SSC4D: variants seen among roughly 807,000 people sequenced by gnomAD.
SSC4D encodes scavenger receptor cysteine rich family member with 4 domains, also known as scavenger receptor cysteine-rich domain-containing group B protein.
A neutral mutation model predicts 63.4 loss-of-function variants in SSC4D; 57 were observed. The ratio of observed to expected loss-of-function variants is 0.90; its 90% CI spans 0.73 to 1.12. SSC4D has a LOEUF of 1.12. SSC4D is among the 50% of genes most tolerant of loss of function. The pLI is 0.00. For synonymous variants in SSC4D, 352 were observed against 345.4 expected, an observed-to-expected ratio of 1.02 and a Z score of -0.21; for missense variants, 791 against 806.4, an observed-to-expected ratio of 0.98 and a Z score of 0.23.
At position 76,397,572 on chromosome 7, in the gene SSC4D, C is replaced by A. The variant is rs1466678035; in HGVS notation, c.814G>T (p.Gly272Cys). ...TGGCCGCAGTTGTGCACACCCCAGC[C>A]CAGGCTCTGGCAGGCTGCCAGGCGG... is the stretch of plus-strand genomic sequence containing the variant. The part of the protein sequence containing the change: ...EPRLAACQSL[G>C]WGVHNCGHHE... Residue 272 changes from glycine (G) to cysteine (C), a missense_variant, in exon 6 of 11, where the codon GGC (glycine) becomes TGC (cysteine). Coordinates refer to ENST00000275560, the MANE Select transcript of SSC4D (RefSeq NM_080744.2). The A allele has an allele frequency of 6.2e-7, 1 of 1,608,098 alleles. No individual in the cohort carries two copies. Among genetic ancestry groups the A allele is most frequent in the Non-Finnish European group, 8.5e-7 (1 of 1,177,562 alleles).
intron 9 of SSC4D, 101 bp downstream of exon 9, chr7:76,393,304 G>A (rs1047597955): frequency 2.5e-6 from 3 of 1,191,638 alleles, no homozygotes; most frequent in South Asian, 6.4e-5. Flanking sequence ...CTCCCCGGGC[G>A]GCAGTGCCGC....
chr7:76,397,488 G>T, intron 6 of SSC4D, 30 bp downstream of exon 6: 1 of 1,288,484 alleles, frequency 7.8e-7, no homozygotes, highest in South Asian at 1.5e-5. Flanking sequence ...CACCTGCCCC[G>T]GCCCCGCCCA....
intron 1 of SSC4D, among the ~76,000 whole-genome samples, chr7:76,408,666 C>T (rs1805125401): frequency 5.9e-5 from 9 of 152,126 alleles, no homozygotes; most frequent in Admixed American, 5.9e-4. Flanking sequence ...CCCAGGTGAC[C>T]CCAGAGCCCT....
At chr7:76,400,167 C>G in intron 4 of SSC4D, 119 bp downstream of exon 4, 1 of 1,161,248 alleles carries the variant, frequency 8.6e-7, no homozygotes, top group Non-Finnish European at 1.1e-6. Flanking sequence ...GCATTGTAGC[C>G]TCTGGCCTGA....
Position 76,400,374 on chromosome 7 carries a change from C to T in SSC4D, c.387G>A (p.Gly129=), listed in dbSNP as rs138202050. 4 of 1,589,824 alleles carry T rather than the reference C, an allele frequency of 2.5e-6. No homozygotes were observed. Among genetic ancestry groups the T allele is most frequent in the South Asian group, 2.2e-5 (2 of 89,812 alleles). The change falls in exon 4 of 11, where the codon GGG becomes GGA. Residue 129 remains glycine, a synonymous_variant. Transcript: ENST00000275560. ...CGCACTCGCTCAGCGCAGCTTCCTG[C>T]CCGCGGCACTCCACGTTGTCCAGCA... is the stretch of plus-strand genomic sequence containing the variant. ...PILLDNVECR[G]QEAALSECGS...
Position 76,404,413 on chromosome 7 carries a change from A to G in SSC4D, c.27T>C (p.Ile9=). The G allele has an allele frequency of 6.2e-7, 1 of 1,614,032 alleles. No individual in the cohort carries two copies. Among genetic ancestry groups the G allele is most frequent in the Non-Finnish European group, 8.5e-7 (1 of 1,179,988 alleles). The change falls in exon 2 of 11, where the codon ATT becomes ATC. Residue 9 remains isoleucine (I), a synonymous_variant. Coordinates refer to ENST00000275560, the MANE Select transcript of SSC4D (RefSeq NM_080744.2). ...AGCGCTTCTCATCCAGCTGGGGACCAATTAGCATCTCTGCTTCCTTGTGCA... is the reference window on the plus strand; with the variant it reads ...AGCGCTTCTCATCCAGCTGGGGACCGATTAGCATCTCTGCTTCCTTGTGCA... MHKEAEML[I]GPQLDEKRWG... is the part of the protein sequence containing the mutation.
rs754293978 is a variant in SSC4D at position 76,393,903 on chromosome 7, A to G, written c.948T>C (p.Ala316=). 6.9e-6 allele frequency: 11 copies of G among 1,602,002 alleles called. No homozygotes were observed. Among genetic ancestry groups the G allele is most frequent in the South Asian group, 6.7e-5 (6 of 89,028 alleles). ...EDWAWQTDPS[A]TGVGPQPSRE... is the part of the protein sequence containing the mutation. ...GGGAAGGCTGGGGGCCAACTCCTGT[A>G]GCTGTGGAGACAGGGCATCTAGGGC... Residue 316 remains alanine (A), a splice_region_variant and synonymous_variant, in exon 8 of 11, where the codon GCT becomes GCC. Transcript: ENST00000275560.
Position 76,393,464 on chromosome 7 carries a change from T to A in SSC4D, c.1274A>T (p.His425Leu), listed in dbSNP as rs745406480. 2.0e-6 allele frequency: 3 copies of A among 1,536,446 alleles called. No homozygotes were observed. The highest frequency in any genetic ancestry group is 1.4e-5 in the African/African-American group (1 of 70,484). Residue 425 changes from histidine to leucine, a missense_variant, in exon 9 of 11, where the codon CAC (histidine) becomes CTC (leucine). Coordinates refer to ENST00000275560, the MANE Select transcript of SSC4D (RefSeq NM_080744.2). ...GCAGTTGTGCTGGCCCCAGCCCAGG[T>A]GGAAGCAGTCGCTCAGGCGAGCCTC... ...GTEARLSDCF[H>L]LGWGQHNCGH...
intron 1 of SSC4D, among the ~76,000 whole-genome samples, chr7:76,405,271 TTATATA>T (rs1171830870): frequency 0.012 from 110 of 9,124 alleles, 1 homozygote; most frequent in Admixed American, 0.017. Flanking sequence ...ACCCAGCTAA[TTATATA>T]TATATATATA....
At chr7:76,408,394 G>C (rs1329981208) in intron 1 of SSC4D, among the ~76,000 whole-genome samples, 1 of 152,098 alleles carries the variant, frequency 6.6e-6, no homozygotes, top group African/African-American at 2.4e-5. Flanking sequence ...ATGAGGAGGG[G>C]GAAAGACACA....
In SSC4D at chr7:76,397,558, G is replaced by A; in HGVS notation, c.828C>T (p.His276=). 1.9e-6 allele frequency: 3 copies of A among 1,603,338 alleles called. No individual in the cohort carries two copies. Among genetic ancestry groups the A allele is most frequent in the Non-Finnish European group, 2.6e-6 (3 of 1,175,338 alleles). ...CCGCGTCCTCGTGGTGGCCGCAGTT[G>A]TGCACACCCCAGCCCAGGCTCTGGC... is the stretch of plus-strand genomic sequence containing the variant. ...AACQSLGWGV[H]NCGHHEDAGA... Residue 276 remains histidine, a synonymous_variant, in exon 6 of 11, where the codon CAC becomes CAT. Transcript: ENST00000275560.
In SSC4D at chr7:76,393,393, T is replaced by C; in HGVS notation, c.1333+12A>G. On this transcript the variant is annotated intron_variant, in intron 9 of 10. Coordinates refer to ENST00000275560, the MANE Select transcript of SSC4D (RefSeq NM_080744.2). ...GCCCCGCTGTCAGCCTCACCTTCGC[T>C]GTCAGCCTCACCTGCGCAGAGCGCT... is the stretch of plus-strand genomic sequence containing the variant. 1 of 1,379,190 alleles carries C rather than the reference T, an allele frequency of 7.3e-7. No homozygotes were observed. The highest frequency in any genetic ancestry group is 9.4e-7 in the Non-Finnish European group (1 of 1,066,094). 85.4% of individuals were successfully genotyped at this position (1,379,190 alleles called of 1,614,324 possible).
chr7:76,396,573 T>C (rs1804645999), intron 6 of SSC4D, among the ~76,000 whole-genome samples: 1 of 152,192 alleles, frequency 6.6e-6, no homozygotes, highest in Admixed American at 6.6e-5. Flanking sequence ...TTAAATTCTT[T>C]GCTGAGGGAA....
intron 1 of SSC4D, among the ~76,000 whole-genome samples, chr7:76,405,271 TTATATATATA>T (rs1171830870): frequency 0.029 from 265 of 9,118 alleles, 10 homozygotes; most frequent in African/African-American, 0.04. Flanking sequence ...ACCCAGCTAA[TTATATATATA>T]TATATATATA....
At chr7:76,396,417 G>T (rs1362610270) in intron 6 of SSC4D, among the ~76,000 whole-genome samples, 1 of 152,248 alleles carries the variant, frequency 6.6e-6, no homozygotes, top group Non-Finnish European at 1.5e-5. Context: ...ATACTTGAAA[G>T]TAAATAGAAT....
rs1804454460 is a variant in SSC4D at position 76,389,884 on chromosome 7, G to A, written c.*175C>T. The stretch of plus-strand genomic sequence containing the variant: ...ACAGGCTGAGGTCACGCAGTAAGTG[G>A]ACGGGGGTACAGCCAGGCTCCCCCA... On this transcript the variant is annotated 3_prime_UTR_variant, in exon 11 of 11. Coordinates refer to ENST00000275560, the MANE Select transcript of SSC4D (RefSeq NM_080744.2). 1.4e-6 allele frequency: 1 copy of A among 736,394 alleles called. No individual in the cohort carries two copies. Among genetic ancestry groups the A allele is most frequent in the African/African-American group, 1.8e-5 (1 of 56,522 alleles). The allele number at this position is 736,394 out of a possible 1,614,324, so 45.6% of individuals were successfully genotyped here.
chr7:76,401,212 T>C (rs1804817295), intron 2 of SSC4D, among the ~76,000 whole-genome samples, 169 bp from the exon 3 acceptor site: 1 of 152,058 alleles, frequency 6.6e-6, no homozygotes, highest in African/African-American at 2.4e-5. Flanking sequence ...ACTGTCCTGA[T>C]TGGCTTCCCT....
At chr7:76,402,234 C>T (rs1365312215) in intron 2 of SSC4D, among the ~76,000 whole-genome samples, 1 of 148,034 alleles carries the variant, frequency 6.8e-6, no homozygotes, top group Non-Finnish European at 1.5e-5. Flanking sequence ...GGCTGGAGCA[C>T]AGTGGCATGA....
In SSC4D at chr7:76,393,856, G is replaced by A. The variant is rs1804566882; in HGVS notation, c.995C>T (p.Thr332Ile). 3.7e-6 allele frequency: 6 copies of A among 1,605,858 alleles called. 1 individual carries two copies. Among genetic ancestry groups the A allele is most frequent in the Middle Eastern group, 1.7e-4 (1 of 6,048 alleles). The change falls in exon 8 of 11, where the codon ACC (threonine) becomes ATC (isoleucine). Residue 332 changes from threonine (T) to isoleucine (I), a missense_variant. By Grantham distance (89) the Thr-to-Ile change is moderately conservative. Transcript: ENST00000275560. ...QPSRETALLT[T>I]AAWAAGKKSG... Reference sequence around the variant, plus strand: ...TTTCTTCCCCGCGGCCCAGGCGGCGGTGGTGAGCAGTGCTGTCTCCCGGGA... The same window carrying A: ...TTTCTTCCCCGCGGCCCAGGCGGCGATGGTGAGCAGTGCTGTCTCCCGGGA...
Sources: gnomAD v4.1 joint callset for allele counts (sites outside exome capture counted in the v4.1 genomes callset) on GRCh38, gnomAD v4.1.1 for gene constraint, MANE v1.5 for transcripts, NCBI Gene and HGNC (gene_info 2026-07-23, HGNC 2026-07-21) for gene names.